The following MINDY4B variants were observed in gnomAD, a reference collection of about 807,000 sequenced individuals.
The protein encoded by MINDY4B is MINDY family member 4B.
A neutral mutation model predicts 16.7 loss-of-function variants in MINDY4B; 25 were observed. That is an observed-to-expected ratio of 1.49 (90% CI 1.09 to 2.09). The LOEUF (loss-of-function observed/expected upper bound fraction) is 2.09, where lower values mean the gene tolerates loss of function less well. Ranked by LOEUF, MINDY4B falls within the 30% of genes most tolerant of loss-of-function variation. MINDY4B has a pLI of 0.00. For synonymous variants in MINDY4B, 132 were observed against 61.9 expected (o/e 2.13, Z -5.32); for missense variants, 327 against 168.4 (o/e 1.94, Z -5.21).
At chr3:150,874,369 A>G (rs1717042747) in intron 10 of MINDY4B, among the ~76,000 whole-genome samples, 1 of 152,182 alleles carries the variant, frequency 6.6e-6, no homozygotes, top group Admixed American at 6.5e-5. Flanking sequence ...AGAGCAGGGA[A>G]GGGGATGTAG....
At chr3:150,899,143 A>G (rs1185660193) in intron 3 of MINDY4B, among the ~76,000 whole-genome samples, 5 of 152,204 alleles carry the variant, frequency 3.3e-5, no homozygotes, top group Non-Finnish European at 5.9e-5. Flanking sequence ...CAAAATAGGT[A>G]TCTGTTGAAG....
intron 3 of MINDY4B, among the ~76,000 whole-genome samples, chr3:150,900,425 G>A (rs1712087971): frequency 1.3e-5 from 2 of 152,192 alleles, no homozygotes; most frequent in Admixed American, 6.5e-5. Flanking sequence ...AGTGGTATTA[G>A]GATTCAATAG....
chr3:150,876,836 C>T (rs1198921830), intron 10 of MINDY4B, among the ~76,000 whole-genome samples: 2 of 152,116 alleles, frequency 1.3e-5, no homozygotes, highest in African/African-American at 4.8e-5. Context: ...ATGTGAACCT[C>T]CCAAGGCTTT....
At position 150,883,033 on chromosome 3, in the gene MINDY4B, C is replaced by T. The variant is rs1238729932; in HGVS notation, c.923G>A (p.Gly308Glu). 5.7e-6 allele frequency: 4 copies of T among 701,630 alleles called. No homozygotes were observed. In the East Asian group the frequency reaches 1.1e-4, roughly 19 times the overall value. The allele number at this position is 701,630 out of a possible 1,614,324, so 43.5% of individuals were successfully genotyped here. Residue 308 changes from glycine to glutamate, a missense_variant, in exon 10 of 12, where the codon GGA becomes GAA. Coordinates refer to ENST00000465419, the MANE Select transcript of MINDY4B (RefSeq NM_001351281.2). ...RQAVLNMILT[G>E]RASPNVFNGC... The stretch of plus-strand genomic sequence containing the variant: ...ATTGAAGACATTGGGACTTGCTCTT[C>T]CAGTTAAAATCATGTTCAGAACTGC...
chr3:150,904,313 A>T (rs79788943), intron 2 of MINDY4B, among the ~76,000 whole-genome samples: 5,448 of 152,292 alleles, frequency 0.036, 114 homozygotes, highest in South Asian at 0.062. Context: ...AATACTTCCA[A>T]GACTAAAATA....
intron 11 of MINDY4B, among the ~76,000 whole-genome samples, chr3:150,872,918 T>C (rs1717003368): frequency 6.6e-6 from 1 of 152,228 alleles, no homozygotes; most frequent in Non-Finnish European, 1.5e-5. Context: ...TTTGGCTCCA[T>C]AACTTTTGTT....
At chr3:150,889,383 A>G (rs979104736) in intron 7 of MINDY4B, among the ~76,000 whole-genome samples, 2 of 152,064 alleles carry the variant, frequency 1.3e-5, no homozygotes, top group East Asian at 1.9e-4. Flanking sequence ...CTCTTCTCCT[A>G]TCACTTCTCT....
intron 10 of MINDY4B, 71 bp downstream of exon 10, chr3:150,882,826 A>C: frequency 1.7e-6 from 1 of 588,182 alleles, no homozygotes; most frequent in Non-Finnish European, 3.1e-6. Context: ...GAATTGCCTA[A>C]ATAGACAGAC....
At chr3:150,876,484 GC>G (rs1711497268) in intron 10 of MINDY4B, among the ~76,000 whole-genome samples, 1 of 152,118 alleles carries the variant, frequency 6.6e-6, no homozygotes, top group African/African-American at 2.4e-5. Context: ...ACTGTTAATG[GC>G]CTGGCTCTCA....
In MINDY4B at chr3:150,870,836, G is replaced by A. The variant is rs986647557; in HGVS notation, c.*209C>T. Among the ~76,000 whole-genome samples the A allele has an allele frequency of 2.5e-4, 38 of 152,214 alleles. No homozygotes were observed. Among genetic ancestry groups the A allele is most frequent in the African/African-American group, 8.9e-4 (37 of 41,446 alleles). ...CGGAGGAGGCACCATGCAGGCCCTG[G>A]TGTGGGGGCCTGTGTTTCTCCTACA... On this transcript the variant is annotated 3_prime_UTR_variant, in exon 12 of 12. Transcript: ENST00000465419.
intron 7 of MINDY4B, 45 bp from the exon 8 acceptor site, chr3:150,885,483 CA>C (rs771275087): frequency 5.9e-5 from 41 of 698,308 alleles, no homozygotes; most frequent in Non-Finnish European, 1.0e-4. Flanking sequence ...AAAAGCAACA[CA>C]GACACGTGTA....
chr3:150,874,619 T>G (rs1427988797), intron 10 of MINDY4B, among the ~76,000 whole-genome samples: 1 of 152,232 alleles, frequency 6.6e-6, no homozygotes, highest in Non-Finnish European at 1.5e-5. Flanking sequence ...TAGCTTGGCC[T>G]TTCTTCCTGT....
At chr3:150,904,083 TC>T (rs1183286690) in intron 2 of MINDY4B, among the ~76,000 whole-genome samples, 2 of 152,214 alleles carry the variant, frequency 1.3e-5, no homozygotes, top group Admixed American at 1.3e-4. Context: ...TTTTCTGTAT[TC>T]CTAGAGGCAA....
chr3:150,876,173 C>G (rs1022076101), intron 10 of MINDY4B, among the ~76,000 whole-genome samples: 8 of 152,118 alleles, frequency 5.3e-5, no homozygotes, highest in African/African-American at 1.9e-4. Flanking sequence ...TGTAATCAGC[C>G]CAGTATTTTC....
At position 150,903,397 on chromosome 3, in the gene MINDY4B, G is replaced by A. The variant is rs142964432; in HGVS notation, c.161C>T (p.Thr54Ile). The change falls in exon 3 of 12, where the codon ACA (threonine) becomes ATA (isoleucine). Residue 54 changes from threonine (T) to isoleucine (I), a missense_variant. Transcript: ENST00000465419. ...TCCATCTTCATTTTCATCAGCAGAT[G>A]TATGGTTGCCTTCATGATTCTGTGC... ...STPQNHEGNH[T>I]SADENEDGTG... 37 of 398,546 alleles carry A rather than the reference G, an allele frequency of 9.3e-5. No homozygotes were observed. The highest frequency in any genetic ancestry group is 6.3e-4 in the Middle Eastern group (1 of 1,586). The allele number at this position is 398,546 out of a possible 1,614,324, so 24.7% of individuals were successfully genotyped here.
At chr3:150,874,546 T>TATACAC (rs10634706) in intron 10 of MINDY4B, among the ~76,000 whole-genome samples, 131,417 of 151,668 alleles carry the variant, frequency 0.87, 57,293 homozygotes, top group Middle Eastern at 0.94. Flanking sequence ...GAGATAAACA[T>TATACAC]ATATATCTAC....
At chr3:150,885,537 T>C (rs1423603746) in intron 7 of MINDY4B, 99 bp from the exon 8 acceptor site, 4 of 669,722 alleles carry the variant, frequency 6.0e-6, no homozygotes, top group East Asian at 2.7e-5. Context: ...GAGAGAATTT[T>C]TTCCCCCTGG....
chr3:150,900,890 A>AT (rs544379623), intron 3 of MINDY4B, among the ~76,000 whole-genome samples: 2 of 152,326 alleles, frequency 1.3e-5, no homozygotes, highest in South Asian at 4.1e-4. Context: ...TGCTTTTTCT[A>AT]TTTTTAAAAT....
intron 3 of MINDY4B, among the ~76,000 whole-genome samples, 185 bp downstream of exon 3, chr3:150,903,064 G>A (rs16863011): frequency 0.064 from 9,750 of 152,250 alleles, 529 homozygotes; most frequent in African/African-American, 0.15. Context: ...GGGCTGTACT[G>A]CCACAAGTGT....
Sources: gnomAD v4.1 joint callset for allele counts (sites outside exome capture counted in the v4.1 genomes callset) on GRCh38, gnomAD v4.1.1 for gene constraint, MANE v1.5 for transcripts, NCBI Gene and HGNC (gene_info 2026-07-23, HGNC 2026-07-21) for gene names.